FAM135B: variants seen among roughly 807,000 people sequenced by gnomAD.
The protein encoded by FAM135B is family with sequence similarity 135 member B.
Under a neutral mutation model 127.7 loss-of-function variants are expected in FAM135B, and 43 were observed. The ratio of observed to expected loss-of-function variants is 0.34; its 90% CI spans 0.26 to 0.43. FAM135B has a LOEUF of 0.43. FAM135B is among the 20% of genes least tolerant of loss of function. FAM135B has a pLI of 1.00. For missense variants in FAM135B, 1,558 were observed against 1,725.6 expected (o/e 0.90, Z 1.72); for synonymous variants, 670 against 665.1 (o/e 1.01, Z -0.11).
intron 12 of FAM135B, among the ~76,000 whole-genome samples, chr8:138,162,433 C>T (rs565069386): frequency 2.6e-5 from 4 of 152,256 alleles, no homozygotes; most frequent in Admixed American, 6.5e-5. Context: ...AAGGAACCCT[C>T]GTGCAAACTA....
chr8:138,492,991 T>A (rs1220500621), intron 1 of FAM135B, among the ~76,000 whole-genome samples: 1 of 152,130 alleles, frequency 6.6e-6, no homozygotes, highest in Non-Finnish European at 1.5e-5. Context: ...AGGCTACTTA[T>A]GCAAATGCCC....
intron 19 of FAM135B, among the ~76,000 whole-genome samples, chr8:138,135,785 T>A (rs1183820979): frequency 6.6e-6 from 1 of 152,184 alleles, no homozygotes; most frequent in Non-Finnish European, 1.5e-5. Flanking sequence ...CTATGTGCAG[T>A]AATTGAGAAG....
At chr8:138,406,190 C>T (rs182920280) in intron 1 of FAM135B, among the ~76,000 whole-genome samples, 106 of 151,950 alleles carry the variant, frequency 7.0e-4, no homozygotes, top group Admixed American at 2.4e-3. Context: ...ATGGTAGTTT[C>T]TTTTGCTGTG....
intron 1 of FAM135B, among the ~76,000 whole-genome samples, chr8:138,450,090 G>C (rs1185239188): frequency 6.6e-6 from 1 of 152,154 alleles, no homozygotes; most frequent in East Asian, 1.9e-4. Context: ...TGCCCAGAAT[G>C]TCAAGGAAAA....
At chr8:138,334,912 G>A (rs1828452774) in intron 2 of FAM135B, among the ~76,000 whole-genome samples, 1 of 152,022 alleles carries the variant, frequency 6.6e-6, no homozygotes, top group South Asian at 2.1e-4. Context: ...ATCAGAAAAA[G>A]GTAAAGGATT....
intron 7 of FAM135B, among the ~76,000 whole-genome samples, chr8:138,208,575 G>C (rs7008339): frequency 6.6e-6 from 1 of 152,096 alleles, no homozygotes; most frequent in African/African-American, 2.4e-5. Flanking sequence ...CAAAGAAACA[G>C]AGTCCCACAA....
At chr8:138,274,565 C>T (rs541600182) in intron 3 of FAM135B, among the ~76,000 whole-genome samples, 13 of 152,110 alleles carry the variant, frequency 8.5e-5, no homozygotes, top group Non-Finnish European at 1.2e-4. Flanking sequence ...TGAGACCAAC[C>T]GGTCTCACCA....
intron 1 of FAM135B, among the ~76,000 whole-genome samples, chr8:138,443,916 G>T (rs965689585): frequency 2.6e-5 from 4 of 152,118 alleles, no homozygotes; most frequent in African/African-American, 7.2e-5. Flanking sequence ...TACCTCATGT[G>T]CAGAGACACA....
At chr8:138,462,824 C>A (rs1176361323) in intron 1 of FAM135B, among the ~76,000 whole-genome samples, 2 of 152,186 alleles carry the variant, frequency 1.3e-5, no homozygotes, top group Non-Finnish European at 2.9e-5. Flanking sequence ...CAGAGAAAAT[C>A]TGAAGCTGGG....
intron 19 of FAM135B, among the ~76,000 whole-genome samples, chr8:138,133,420 C>T (rs1434469627): frequency 6.6e-6 from 1 of 152,184 alleles, no homozygotes; most frequent in Non-Finnish European, 1.5e-5. Flanking sequence ...AATTGCTGAA[C>T]AATAGATAGA....
At chr8:138,414,733 G>T (rs1834047069) in intron 1 of FAM135B, among the ~76,000 whole-genome samples, 1 of 152,110 alleles carries the variant, frequency 6.6e-6, no homozygotes, top group African/African-American at 2.4e-5. Context: ...AGTCAAAGGG[G>T]AAGTGAAGAT....
chr8:138,494,498 T>G (rs1056221645), intron 1 of FAM135B, among the ~76,000 whole-genome samples: 2 of 152,130 alleles, frequency 1.3e-5, no homozygotes, highest in African/African-American at 4.8e-5. Flanking sequence ...TGGGAAAGCT[T>G]CCTATAGGAA....
chr8:138,200,872 A>C (rs866549812), intron 7 of FAM135B, among the ~76,000 whole-genome samples: 3 of 152,246 alleles, frequency 2.0e-5, no homozygotes, highest in Admixed American at 1.3e-4. Flanking sequence ...TTCATAGATC[A>C]AAAGACTATG....
intron 3 of FAM135B, among the ~76,000 whole-genome samples, chr8:138,297,107 C>G (rs1287783192): frequency 6.6e-6 from 1 of 152,158 alleles, no homozygotes; most frequent in Non-Finnish European, 1.5e-5. Context: ...TGTCTGCTTG[C>G]ATCATGTCAC....
intron 2 of FAM135B, among the ~76,000 whole-genome samples, chr8:138,316,042 TA>T (rs1563890273): frequency 6.6e-6 from 1 of 152,006 alleles, no homozygotes; most frequent in Non-Finnish European, 1.5e-5. Context: ...AAATTTAAAA[TA>T]AAAAAAGAAT....
At chr8:138,218,161 T>C (rs902325979) in intron 7 of FAM135B, among the ~76,000 whole-genome samples, 1 of 152,214 alleles carries the variant, frequency 6.6e-6, no homozygotes, top group Admixed American at 6.5e-5. Flanking sequence ...ATGGAATCCA[T>C]GTAGATGCAG....
chr8:138,323,383 C>T (rs1827583218), intron 2 of FAM135B, among the ~76,000 whole-genome samples: 2 of 152,210 alleles, frequency 1.3e-5, no homozygotes. Context: ...TCATGACCCC[C>T]TCTTGGCTAA....
At chr8:138,427,055 T>C (rs527362493) in intron 1 of FAM135B, among the ~76,000 whole-genome samples, 21 of 152,034 alleles carry the variant, frequency 1.4e-4, no homozygotes, top group African/African-American at 3.1e-4. Flanking sequence ...AAAAAATATA[T>C]ACTGTCTGAT....
chr8:138,356,746 G>T lies in FAM135B; in HGVS notation c.77+11161C>A, dbSNP rs538041292. Among the ~76,000 whole-genome samples, 7 of 152,244 alleles carry T rather than the reference G, an allele frequency of 4.6e-5. No individual in the cohort carries two copies. The South Asian group carries it at 1.5e-3, about 32-fold the overall frequency. On this transcript the variant is annotated intron_variant, in intron 2 of 19. Coordinates refer to ENST00000395297, the MANE Select transcript of FAM135B (RefSeq NM_015912.4). ...TTTCTAAACAGTAACTCAGCTACCT[G>T]AGTGTCAATGGCTGGGGTCTGTGGA...
Sources: gnomAD v4.1 joint callset for allele counts (sites outside exome capture counted in the v4.1 genomes callset) on GRCh38, gnomAD v4.1.1 for gene constraint, MANE v1.5 for transcripts, NCBI Gene and HGNC (gene_info 2026-07-23, HGNC 2026-07-21) for gene names.